Variants in POFUT3 observed in about 807,000 individuals in gnomAD.
POFUT3 encodes protein O-fucosyltransferase 3.
the POFUT3 span, among the ~76,000 whole-genome samples, chr8:33,334,357 AC>A: frequency 1.3e-5 from 2 of 152,062 alleles, no homozygotes; most frequent in Admixed American, 6.6e-5. Context: ...AGCTGGGATT[AC>A]TGGCATGCGC....
At chr8:33,317,872 C>T in the POFUT3 span, among the ~76,000 whole-genome samples, 1 of 152,118 alleles carries the variant, frequency 6.6e-6, no homozygotes, top group African/African-American at 2.4e-5. Flanking sequence ...GGGCCCCAGG[C>T]ATTTCCAGCC....
the POFUT3 span, among the ~76,000 whole-genome samples, chr8:33,367,267 G>T: frequency 6.6e-6 from 1 of 152,152 alleles, no homozygotes; most frequent in African/African-American, 2.4e-5. Flanking sequence ...GGTCCGCCCA[G>T]GGCAGAAAAC....
the POFUT3 span, chr8:33,372,630 T>C: frequency 6.2e-7 from 1 of 1,614,074 alleles, no homozygotes; most frequent in Non-Finnish European, 8.5e-7. Flanking sequence ...TTTTGATTCC[T>C]ATCAACCAGC....
chr8:33,416,499 G>T, the POFUT3 span, among the ~76,000 whole-genome samples: 1 of 151,998 alleles, frequency 6.6e-6, no homozygotes, highest in South Asian at 2.1e-4. Context: ...ATCACTTGAG[G>T]CCAGGAGTTC....
the POFUT3 span, among the ~76,000 whole-genome samples, chr8:33,450,906 A>G: frequency 2.6e-5 from 4 of 152,340 alleles, no homozygotes; most frequent in African/African-American, 9.6e-5. Context: ...CTTCCTGGCA[A>G]CCAGACATTT....
chr8:33,425,621 C>T, the POFUT3 span, among the ~76,000 whole-genome samples: 11 of 151,940 alleles, frequency 7.2e-5, no homozygotes, highest in African/African-American at 2.7e-4. Context: ...GAGGAAGGAG[C>T]CGCAAAAGGG....
the POFUT3 span, among the ~76,000 whole-genome samples, chr8:33,319,668 A>T: frequency 2.0e-5 from 1 of 50,650 alleles, no homozygotes. Flanking sequence ...TATATATTTT[A>T]TATATATTTA....
At chr8:33,329,975 T>TAAC in the POFUT3 span, among the ~76,000 whole-genome samples, 2 of 151,154 alleles carry the variant, frequency 1.3e-5, no homozygotes, top group African/African-American at 4.9e-5. Flanking sequence ...ACCCTTTAAC[T>TAAC]AATAATAATA....
At chr8:33,380,615 T>C in the POFUT3 span, among the ~76,000 whole-genome samples, 7 of 151,678 alleles carry the variant, frequency 4.6e-5, no homozygotes, top group Admixed American at 1.3e-4. Context: ...GGTGGGAGGA[T>C]TGCTTGAGGT....
At chr8:33,367,744 C>T in the POFUT3 span, among the ~76,000 whole-genome samples, 1 of 151,906 alleles carries the variant, frequency 6.6e-6, no homozygotes, top group African/African-American at 2.4e-5. Flanking sequence ...TGAGTGGACT[C>T]ATCAGATGAA....
At chr8:33,309,140 AAAAAAAAAAAAAAAAAAAAAAAAAAAAAT>A in the POFUT3 span, among the ~76,000 whole-genome samples, 2,020 of 28,772 alleles carry the variant, frequency 0.07, 206 homozygotes, top group African/African-American at 0.29. Flanking sequence ...GGGGAGTGTA[AAAAAAAAAAAAAAAAAAAAAAAAAAAAAT>A]ATATATATAT....
the POFUT3 span, among the ~76,000 whole-genome samples, chr8:33,378,165 T>C: frequency 6.6e-6 from 1 of 152,168 alleles, no homozygotes; most frequent in African/African-American, 2.4e-5. Flanking sequence ...TCTCCCTCCT[T>C]GGCACAGCGT....
At chr8:33,356,017 C>A in the POFUT3 span, among the ~76,000 whole-genome samples, 10 of 152,056 alleles carry the variant, frequency 6.6e-5, no homozygotes, top group South Asian at 1.0e-3. Flanking sequence ...TTTTTTATGG[C>A]TGCATAGTAT....
chr8:33,392,293 T>C, the POFUT3 span, among the ~76,000 whole-genome samples: 4 of 152,178 alleles, frequency 2.6e-5, no homozygotes, highest in African/African-American at 7.2e-5. Context: ...TAGGTCATTT[T>C]GGCATGGCAC....
At chr8:33,336,094 T>C in the POFUT3 span, among the ~76,000 whole-genome samples, 1,165 of 152,370 alleles carry the variant, frequency 7.6e-3, 71 homozygotes, top group East Asian at 0.16. Context: ...TTATTCACAA[T>C]GTAGTTACAG....
chr8:33,416,806 A>T, the POFUT3 span, among the ~76,000 whole-genome samples: 1 of 147,828 alleles, frequency 6.8e-6, no homozygotes. Flanking sequence ...AGATCGCACC[A>T]CTGCACTCCA....
At chr8:33,366,450 A>T in the POFUT3 span, among the ~76,000 whole-genome samples, 1 of 152,176 alleles carries the variant, frequency 6.6e-6, no homozygotes, top group Non-Finnish European at 1.5e-5. Context: ...AAAAAAAAGT[A>T]TTTAACTTGT....
At chr8:33,460,354 T>G in the POFUT3 span, among the ~76,000 whole-genome samples, 279 of 152,158 alleles carry the variant, frequency 1.8e-3, 1 homozygote, top group Non-Finnish European at 2.1e-3. Context: ...AGATCCTGTC[T>G]CAAAAAATAA....
the POFUT3 span, among the ~76,000 whole-genome samples, chr8:33,361,910 A>T: frequency 1.3e-5 from 2 of 151,496 alleles, no homozygotes; most frequent in Non-Finnish European, 2.9e-5. Context: ...TTTCAAATTT[A>T]AAAAAAAATG....
Sources: allele counts gnomAD v4.1 joint callset (sites outside exome capture counted in the v4.1 genomes callset), GRCh38; gene constraint gnomAD v4.1.1; transcripts MANE v1.5; gene names NCBI Gene and HGNC (gene_info 2026-07-23, HGNC 2026-07-21).